Variants in ABCB1 observed in about 807,000 individuals in gnomAD.
ABCB1 encodes ATP binding cassette subfamily B member 1.
Under a neutral mutation model 142.0 loss-of-function variants are expected in ABCB1, and 69 were observed. That is an observed-to-expected ratio of 0.49 (90% CI 0.40 to 0.59). The LOEUF is 0.59. Ranked by LOEUF, ABCB1 falls within the 20% of genes least tolerant of loss-of-function variation. The probability of loss-of-function intolerance (pLI) is 0.00; values close to 1 mark genes in which losing one functional copy is unlikely to be tolerated. For missense variants in ABCB1, 1,326 were observed against 1,554.7 expected, an observed-to-expected ratio of 0.85 and a Z score of 2.47; for synonymous variants, 532 against 539.2, an observed-to-expected ratio of 0.99 and a Z score of 0.18.
chr7:87,690,428 T>A (rs1262018226), intron 1 of ABCB1, among the ~76,000 whole-genome samples: 1 of 152,188 alleles, frequency 6.6e-6, no homozygotes, highest in Non-Finnish European at 1.5e-5. Context: ...CTCAGTATTT[T>A]AAAAATTATT....
Position 87,600,179 on chromosome 7 carries a change from A to G in ABCB1, c.6T>C (p.Asp2=), listed in dbSNP as rs373703839. 5 of 1,613,958 alleles carry G rather than the reference A, an allele frequency of 3.1e-6. No individual in the cohort carries two copies. Among genetic ancestry groups the G allele is most frequent in the Non-Finnish European group, 4.2e-6 (5 of 1,179,960 alleles). ...CTCCTCCATTGCGGTCCCCTTCAAG[A>G]TCCATTCCGACCTGAAGAGAAACCG... M[D]LEGDRNGGAK... The change falls in exon 2 of 28, where the codon GAT becomes GAC. Residue 2 remains aspartate, a synonymous_variant. Transcript: ENST00000622132.
chr7:87,504,633 A>T (rs182850715), intron 27 of ABCB1, among the ~76,000 whole-genome samples, 184 bp from the exon 28 acceptor site: 1 of 152,032 alleles, frequency 6.6e-6, no homozygotes, highest in Non-Finnish European at 1.5e-5. Context: ...GTGAAACCCC[A>T]TCTCTATCAA....
intron 21 of ABCB1, among the ~76,000 whole-genome samples, chr7:87,530,637 C>G (rs1274659662): frequency 6.6e-6 from 1 of 150,744 alleles, no homozygotes; most frequent in Non-Finnish European, 1.5e-5. Flanking sequence ...AAGGGAGGAG[C>G]ATGATAAAAA....
At chr7:87,695,331 A>G (rs1267264100) in intron 1 of ABCB1, among the ~76,000 whole-genome samples, 1 of 152,092 alleles carries the variant, frequency 6.6e-6, no homozygotes, top group Non-Finnish European at 1.5e-5. Flanking sequence ...AGAAATGGAA[A>G]TTTTCTCTGT....
chr7:87,627,290 G>A (rs993230660), intron 1 of ABCB1, among the ~76,000 whole-genome samples: 2 of 152,220 alleles, frequency 1.3e-5, no homozygotes, highest in Admixed American at 6.5e-5. Flanking sequence ...GAAAAATAGA[G>A]ATAGCCACAC....
At chr7:87,645,557 A>G (rs1822917512) in intron 1 of ABCB1, among the ~76,000 whole-genome samples, 1 of 152,128 alleles carries the variant, frequency 6.6e-6, no homozygotes, top group Admixed American at 6.6e-5. Flanking sequence ...CTTAGACTTG[A>G]TTTGATATTT....
intron 8 of ABCB1, among the ~76,000 whole-genome samples, chr7:87,554,336 TAA>T (rs5885589): frequency 1.4e-5 from 2 of 142,146 alleles, no homozygotes; most frequent in Admixed American, 7.0e-5. Context: ...TAGAAAGTAC[TAA>T]AAAAAAAAAA....
chr7:87,691,465 G>C (rs2130646705), intron 1 of ABCB1, among the ~76,000 whole-genome samples: 1 of 152,086 alleles, frequency 6.6e-6, no homozygotes, highest in East Asian at 1.9e-4. Context: ...CTTTGGTATT[G>C]TCTCAAGTAT....
At chr7:87,639,366 T>A (rs775700316) in intron 1 of ABCB1, among the ~76,000 whole-genome samples, 103 of 152,326 alleles carry the variant, frequency 6.8e-4, no homozygotes, top group Middle Eastern at 3.4e-3. Flanking sequence ...TAATGTGTAT[T>A]CTGTCATTGT....
chr7:87,549,146 A>G (rs921314860), intron 14 of ABCB1, among the ~76,000 whole-genome samples: 3 of 152,350 alleles, frequency 2.0e-5, no homozygotes, highest in African/African-American at 7.2e-5. Flanking sequence ...AAATAAGATC[A>G]GAGAAATAAA....
chr7:87,630,356 A>G (rs1367017877), intron 1 of ABCB1, among the ~76,000 whole-genome samples: 2 of 152,244 alleles, frequency 1.3e-5, no homozygotes, highest in Non-Finnish European at 2.9e-5. Context: ...GTATTTGTAT[A>G]ATGTAATTAT....
chr7:87,613,192 C>G (rs947759144), intron 1 of ABCB1, among the ~76,000 whole-genome samples: 1 of 148,622 alleles, frequency 6.7e-6, no homozygotes, highest in Non-Finnish European at 1.5e-5. Flanking sequence ...GTTTTCTAGG[C>G]ATAAGACCAT....
chr7:87,620,277 A>G (rs1820178795), intron 1 of ABCB1, among the ~76,000 whole-genome samples: 1 of 151,512 alleles, frequency 6.6e-6, no homozygotes, highest in Non-Finnish European at 1.5e-5. Context: ...TCTTCTGCTC[A>G]CCCTCCTGAG....
chr7:87,682,798 C>T (rs1359271986), intron 1 of ABCB1, among the ~76,000 whole-genome samples: 1 of 152,182 alleles, frequency 6.6e-6, no homozygotes, highest in Admixed American at 6.5e-5. Flanking sequence ...GCATTGGCTT[C>T]AACTTAAAGC....
chr7:87,699,957 T>C (rs1585136703), intron 1 of ABCB1, among the ~76,000 whole-genome samples: 1 of 152,188 alleles, frequency 6.6e-6, no homozygotes. Flanking sequence ...TATACCTTTT[T>C]TGAAGTATCC....
intron 4 of ABCB1, among the ~76,000 whole-genome samples, chr7:87,575,752 G>A (rs149882212): frequency 2.9e-4 from 44 of 152,234 alleles, no homozygotes; most frequent in African/African-American, 1.0e-3. Flanking sequence ...GTCTTTTTAT[G>A]TGAGCTGTTT....
chr7:87,701,501 A>G (rs753542097), intron 1 of ABCB1, among the ~76,000 whole-genome samples: 1 of 152,228 alleles, frequency 6.6e-6, no homozygotes, highest in Non-Finnish European at 1.5e-5. Flanking sequence ...GAACTGCATA[A>G]CTTGTATTTT....
rs145312796 is a variant in ABCB1 at position 87,703,143 on chromosome 7, C to T, written c.-331+10018G>A. Among the ~76,000 whole-genome samples, 678 of 151,990 alleles carry T rather than the reference C, an allele frequency of 4.5e-3. 5 individuals are homozygous for T. Among genetic ancestry groups the T allele is most frequent in the African/African-American group, 0.016 (643 of 41,480 alleles). ...GATGAAGACATAATTCATTATTTCACGATTATAGAATTATAAATTATGTGT... is the reference window on the plus strand; with the variant it reads ...GATGAAGACATAATTCATTATTTCATGATTATAGAATTATAAATTATGTGT... On this transcript the variant is annotated intron_variant, in intron 1 of 28. Coordinates refer to the ABCB1 transcript ENST00000265724.
At chr7:87,688,491 T>C (rs1280525556) in intron 1 of ABCB1, among the ~76,000 whole-genome samples, 1 of 151,968 alleles carries the variant, frequency 6.6e-6, no homozygotes, top group African/African-American at 2.4e-5. Flanking sequence ...TTTGCCTATT[T>C]CTTCTGTGGA....
Sources: allele counts gnomAD v4.1 joint callset (sites outside exome capture counted in the v4.1 genomes callset), GRCh38; gene constraint gnomAD v4.1.1; transcripts MANE v1.5; gene names NCBI Gene and HGNC (gene_info 2026-07-23, HGNC 2026-07-21).